SUSD1: variants seen among roughly 807,000 people sequenced by gnomAD.
SUSD1 encodes the protein sushi domain-containing protein 1.
A neutral mutation model predicts 86.9 loss-of-function variants in SUSD1; 65 were observed. That is an observed-to-expected ratio of 0.75 (90% CI 0.61 to 0.92). The LOEUF (loss-of-function observed/expected upper bound fraction) is 0.92, where lower values mean the gene tolerates loss of function less well. Ranked by LOEUF, SUSD1 falls within the 40% of genes least tolerant of loss-of-function variation. The pLI, the probability that SUSD1 is intolerant of heterozygous loss-of-function variation, is 0.00. For missense variants in SUSD1, 850 were observed against 929.7 expected, an observed-to-expected ratio of 0.91 and a Z score of 1.11; for synonymous variants, 346 against 350.0, an observed-to-expected ratio of 0.99 and a Z score of 0.13.
intron 14 of SUSD1, among the ~76,000 whole-genome samples, chr9:112,055,346 A>T (rs1828401792): frequency 6.6e-6 from 1 of 152,010 alleles, no homozygotes; most frequent in African/African-American, 2.4e-5. Flanking sequence ...GGATCATCTG[A>T]CCCCAGGGAG....
Position 112,102,303 on chromosome 9 carries a change from GAGTTAT to G in SUSD1, c.1172-24_1172-19del, listed in dbSNP as rs781637366. 5 of 1,441,818 alleles carry G rather than the reference GAGTTAT, an allele frequency of 3.5e-6. No homozygotes were observed. The South Asian group carries it at 6.2e-5, about 18-fold the overall frequency. 89.3% of individuals were successfully genotyped at this position (1,441,818 alleles called of 1,614,324 possible). ...ATCAACTTCTAAAAGACAAGAGAGA[GAGTTAT>G]AGACAGCTTGCACCATCTTAGCAAA... On this transcript the variant is annotated intron_variant, in intron 8 of 16. Transcript: ENST00000374270.
In SUSD1 at chr9:112,052,338, A is replaced by T. The variant is rs185197964; in HGVS notation, c.2149+61T>A. ...AATTATATAAACAGATCTCATCAAT[A>T]TGAACTTGATGCTGCAGAAAAGAAA... On this transcript the variant is annotated intron_variant, in intron 15 of 16. Transcript: ENST00000374270. 16 of 1,613,114 alleles carry T rather than the reference A, an allele frequency of 9.9e-6. No individual in the cohort carries two copies. The African/African-American group carries it at 2.1e-4, about 22-fold the overall frequency.
At chr9:112,046,468 GGCTCCCTCAAGAGAGCTAGT>G (rs1827960519) in intron 15 of SUSD1, among the ~76,000 whole-genome samples, 1 of 151,882 alleles carries the variant, frequency 6.6e-6, no homozygotes, top group Non-Finnish European at 1.5e-5. Flanking sequence ...TCTTTATGGT[GGCTCCCTCAAGAGAGCTAGT>G]GCTCAGGAGG....
Position 112,157,840 on chromosome 9 carries a change from TC to T in SUSD1, c.104-228del, listed in dbSNP as rs1222723969. ...TCTTTCTTTCTTTTTTTTTTTTTTT[TC>T]AAGACATGGTCTTGCTCTGTTGCCC... On this transcript the variant is annotated intron_variant, in intron 1 of 16. Transcript: ENST00000374270. Among the ~76,000 whole-genome samples, 764 of 137,086 alleles carry T rather than the reference TC, an allele frequency of 5.6e-3. 46 individuals are homozygous for T. The East Asian group carries it at 0.14, about 25-fold the overall frequency. The allele number at this position is 137,086 out of a possible 152,430, so 89.9% of individuals were successfully genotyped here.
intron 3 of SUSD1, among the ~76,000 whole-genome samples, chr9:112,144,111 A>C (rs1310170307): frequency 6.6e-6 from 1 of 151,916 alleles, no homozygotes; most frequent in African/African-American, 2.4e-5. Flanking sequence ...ATGGTGGTAC[A>C]TGCCTGTAGT....
At chr9:112,109,917 T>C (rs1348052709) in intron 8 of SUSD1, among the ~76,000 whole-genome samples, 3 of 152,248 alleles carry the variant, frequency 2.0e-5, no homozygotes, top group Non-Finnish European at 4.4e-5. Context: ...TATAATCTCA[T>C]AGTTGGTTTT....
At chr9:112,136,638 T>A (rs1220174768) in intron 5 of SUSD1, among the ~76,000 whole-genome samples, 1 of 152,192 alleles carries the variant, frequency 6.6e-6, no homozygotes, top group Admixed American at 6.5e-5. Context: ...CATGGTGGCA[T>A]CATTAGTCAA....
At chr9:112,061,019 G>A (rs915917321) in intron 13 of SUSD1, among the ~76,000 whole-genome samples, 3 of 152,102 alleles carry the variant, frequency 2.0e-5, no homozygotes, top group African/African-American at 4.8e-5. Context: ...CAAATTCCCC[G>A]ACCTCATACC....
chr9:112,156,388 G>A (rs918546505), intron 2 of SUSD1, among the ~76,000 whole-genome samples: 6 of 151,588 alleles, frequency 4.0e-5, no homozygotes, highest in East Asian at 1.9e-4. Flanking sequence ...CTTGAACCTC[G>A]GAGGCGGAGG....
At chr9:112,152,569 A>ATTT (rs57257840) in intron 2 of SUSD1, among the ~76,000 whole-genome samples, 2 of 122,642 alleles carry the variant, frequency 1.6e-5, no homozygotes, top group African/African-American at 3.2e-5. Context: ...TGCCTGGATA[A>ATTT]TTTTTTTTTT....
chr9:112,134,357 T>C (rs1402794414), intron 5 of SUSD1, among the ~76,000 whole-genome samples: 1 of 152,216 alleles, frequency 6.6e-6, no homozygotes, highest in Non-Finnish European at 1.5e-5. Flanking sequence ...ATGTGATACA[T>C]GTACACCATG....
chr9:112,059,116 G>A (rs1828591756), intron 13 of SUSD1, among the ~76,000 whole-genome samples: 1 of 152,132 alleles, frequency 6.6e-6, no homozygotes, highest in Non-Finnish European at 1.5e-5. Flanking sequence ...TCTAGGCACT[G>A]GAGACACGAC....
intron 10 of SUSD1, among the ~76,000 whole-genome samples, chr9:112,084,434 A>G (rs760515145): frequency 4.7e-4 from 72 of 152,166 alleles, no homozygotes; most frequent in Non-Finnish European, 1.3e-4. Context: ...ATATATAATT[A>G]TTTCATTTTT....
At chr9:112,055,253 CTG>C (rs931105206) in intron 14 of SUSD1, among the ~76,000 whole-genome samples, 6 of 152,122 alleles carry the variant, frequency 3.9e-5, no homozygotes, top group Admixed American at 3.9e-4. Context: ...TGGCAAAATC[CTG>C]TCTCTATGAA....
chr9:112,045,602 T>TCG (rs1384937797), intron 15 of SUSD1, among the ~76,000 whole-genome samples: 2 of 152,156 alleles, frequency 1.3e-5, no homozygotes, highest in Admixed American at 1.3e-4. Context: ...AGCTCCTGAC[T>TCG]CCCGGGAACT....
intron 15 of SUSD1, among the ~76,000 whole-genome samples, chr9:112,047,928 C>T (rs1564242481): frequency 1.3e-5 from 2 of 152,154 alleles, no homozygotes; most frequent in Non-Finnish European, 2.9e-5. Context: ...AGTTACCCAG[C>T]CTCCAGTATT....
intron 8 of SUSD1, among the ~76,000 whole-genome samples, chr9:112,111,049 T>C (rs1348198554): frequency 6.6e-6 from 1 of 152,102 alleles, no homozygotes; most frequent in African/African-American, 2.4e-5. Context: ...AGTGCAGTGG[T>C]GCAATCTCGG....
At chr9:112,050,732 T>C (rs1828153905) in intron 15 of SUSD1, among the ~76,000 whole-genome samples, 1 of 152,222 alleles carries the variant, frequency 6.6e-6, no homozygotes, top group South Asian at 2.1e-4. Context: ...ACAAGATTTC[T>C]GGTATTAGCT....
At position 112,111,404 on chromosome 9, in the gene SUSD1, C is replaced by T. The variant is rs139866568; in HGVS notation, c.1171+250G>A. Reference sequence around the variant, plus strand: ...ATTTAAAAGGCATTCCTTTTAAATGCCTTTTTATTACTTTCCACCTCTCCC... The same window carrying T: ...ATTTAAAAGGCATTCCTTTTAAATGTCTTTTTATTACTTTCCACCTCTCCC... On this transcript the variant is annotated intron_variant, in intron 8 of 16. Transcript: ENST00000374270. Among the ~76,000 whole-genome samples the T allele has an allele frequency of 1.1e-3, 164 of 152,272 alleles. 2 individuals carry two copies. The highest frequency in any genetic ancestry group is 3.6e-3 in the African/African-American group (150 of 41,554).
Sources: gnomAD v4.1 joint callset for allele counts (sites outside exome capture counted in the v4.1 genomes callset) on GRCh38, gnomAD v4.1.1 for gene constraint, MANE v1.5 for transcripts, NCBI Gene and HGNC (gene_info 2026-07-23, HGNC 2026-07-21) for gene names.